COL5A1: variants seen among roughly 807,000 people sequenced by gnomAD.
The protein encoded by COL5A1 is collagen type V alpha 1 chain, also known as collagen alpha-1(V) chain.
COL5A1 carries 16 observed loss-of-function variants against 263.7 expected under a neutral mutation model. The observed-to-expected ratio is 0.06, with a 90% CI of 0.04 to 0.09. COL5A1 has a LOEUF of 0.09. Among genes scored for constraint, COL5A1 ranks in the 10% least tolerant of loss-of-function variants. The pLI is 1.00. For missense variants in COL5A1, 2,036 were observed against 2,540.5 expected, an observed-to-expected ratio of 0.80 and a Z score of 4.27; for synonymous variants, 1,012 against 1,004.5, an observed-to-expected ratio of 1.01 and a Z score of -0.14.
rs1380004347 is a variant in COL5A1, at chr9:134,825,833, T to C, written c.4996T>C (p.Ser1666Pro). ...TCCTAACCAAGGATGCTCCAGGGAT[T>C]CCTTCAAGGTTTACTGCAACTTCAC... ...VDPNQGCSRD[S>P]FKVYCNFTAG... is the part of the protein sequence containing the mutation. The change falls in exon 63 of 66, where the codon TCC becomes CCC. Residue 1666 changes from serine (S) to proline (P), a missense_variant. By Grantham distance (74) the Ser-to-Pro change is moderately conservative. Coordinates refer to ENST00000371817, the MANE Select transcript of COL5A1 (RefSeq NM_000093.5). 1 of 1,613,376 alleles carries C rather than the reference T, an allele frequency of 6.2e-7. No individual in the cohort carries two copies. The highest frequency in any genetic ancestry group is 8.5e-7 in the Non-Finnish European group (1 of 1,179,496).
At position 134,749,596 on chromosome 9, in the gene COL5A1, G is replaced by A. The variant is rs182753367; in HGVS notation, c.1495-946G>A. On this transcript the variant is annotated intron_variant, in intron 11 of 65. Coordinates refer to ENST00000371817, the MANE Select transcript of COL5A1 (RefSeq NM_000093.5). Reference sequence around the variant, plus strand: ...AATCCATCATGGGTTTCCTGGCAGGGAGCGTCTCACTCAGGTGGTGTGAAC... The same window carrying A: ...AATCCATCATGGGTTTCCTGGCAGGAAGCGTCTCACTCAGGTGGTGTGAAC... Among the ~76,000 whole-genome samples, 285 of 152,300 alleles carry A rather than the reference G, an allele frequency of 1.9e-3. 1 individual carries two copies. The highest frequency in any genetic ancestry group is 3.6e-3 in the Non-Finnish European group (245 of 68,036).
At chr9:134,713,759 AG>A (rs1402165308) in intron 4 of COL5A1, among the ~76,000 whole-genome samples, 9 of 152,162 alleles carry the variant, frequency 5.9e-5, no homozygotes, top group African/African-American at 1.7e-4. Context: ...TTAGGGACAG[AG>A]GGCAGGGTGA....
chr9:134,822,906 G>T, intron 59 of COL5A1, 92 bp from the exon 60 acceptor site: 1 of 1,438,150 alleles, frequency 7.0e-7, no homozygotes. Flanking sequence ...GGAGAGGGGC[G>T]AGGGGCGAGA....
intron 4 of COL5A1, among the ~76,000 whole-genome samples, chr9:134,725,472 C>T (rs1410816536): frequency 1.3e-5 from 2 of 152,156 alleles, no homozygotes; most frequent in East Asian, 3.8e-4. Flanking sequence ...TCAAAAGATC[C>T]TCTGCTTTGG....
chr9:134,754,408 A>T lies in COL5A1; in HGVS notation c.1827+82A>T. 4 of 1,510,548 alleles carry T rather than the reference A, an allele frequency of 2.6e-6. No individual in the cohort carries two copies. The allele number at this position is 1,510,548 out of a possible 1,614,324, so 93.6% of individuals were successfully genotyped here. ...CAAATCTGGGGTGCGGGCACCCCCA[A>T]CAGCCAGCTGGGCCACATGAAGCCA... On this transcript the variant is annotated intron_variant, in intron 16 of 65. Coordinates refer to ENST00000371817, the MANE Select transcript of COL5A1 (RefSeq NM_000093.5). This position sits in a 1 kb window ranked among gnomAD's most constrained non-coding sequence, Gnocchi z 4.3.
chr9:134,653,557 C>G (rs1197742342), intron 1 of COL5A1: 1 of 152,620 alleles, frequency 6.6e-6, no homozygotes, highest in Non-Finnish European at 1.5e-5. Flanking sequence ...GCCGTCTGTG[C>G]GTCTCCCAAG....
intron 14 of COL5A1, 108 bp downstream of exon 14, chr9:134,752,753 C>A: frequency 1.1e-6 from 1 of 874,296 alleles, no homozygotes; most frequent in Non-Finnish European, 1.9e-6. Flanking sequence ...GGACACAGAG[C>A]GGCCCTTGGT....
chr9:134,781,010 G>A (rs1837230571), intron 28 of COL5A1, among the ~76,000 whole-genome samples: 1 of 152,262 alleles, frequency 6.6e-6, no homozygotes, highest in Non-Finnish European at 1.5e-5. Flanking sequence ...CCTGGCCACG[G>A]CGGCCTGCGG....
chr9:134,825,287 GC>G (rs780891130), intron 62 of COL5A1, among the ~76,000 whole-genome samples: 6 of 152,198 alleles, frequency 3.9e-5, no homozygotes, highest in Non-Finnish European at 8.8e-5. Flanking sequence ...TGGGCAAACG[GC>G]CTTCAAACTC....
chr9:134,691,664 G>T (rs999127960), intron 2 of COL5A1: 16 of 156,708 alleles, frequency 1.0e-4, no homozygotes, highest in Admixed American at 9.8e-4. Flanking sequence ...GTCGTGGGGC[G>T]GCACCTGCCA....
At chr9:134,730,164 C>G in intron 6 of COL5A1, 72 bp from the exon 7 acceptor site, 1 of 1,594,166 alleles carries the variant, frequency 6.3e-7, no homozygotes, top group Non-Finnish European at 8.5e-7. Flanking sequence ...CCCGGACATG[C>G]GGCAAGTCCC....
intron 1 of COL5A1, among the ~76,000 whole-genome samples, chr9:134,665,871 T>C (rs879643337): frequency 3.3e-5 from 5 of 152,200 alleles, no homozygotes; most frequent in Admixed American, 2.0e-4. Flanking sequence ...GTGGATCACC[T>C]GAGGTCAGGA....
At chr9:134,720,529 A>T (rs1834414478) in intron 4 of COL5A1, among the ~76,000 whole-genome samples, 1 of 152,232 alleles carries the variant, frequency 6.6e-6, no homozygotes, top group African/African-American at 2.4e-5. Context: ...GCGCCAGATT[A>T]TGGCGGTCGG....
rs995474576 is a variant in COL5A1 at position 134,765,567 on chromosome 9, T to C, written c.2035-114T>C. ...CTCACTCCTGGGAGGCCAGGAGGCCTGAGTCACCAGCTGGGGTTCTGGGTG... is the reference window on the plus strand; with the variant it reads ...CTCACTCCTGGGAGGCCAGGAGGCCCGAGTCACCAGCTGGGGTTCTGGGTG... On this transcript the variant is annotated intron_variant, in intron 20 of 65. Transcript: ENST00000371817. This position sits in a 1 kb window ranked among gnomAD's most constrained non-coding sequence, Gnocchi z 5.1. 7.5e-6 allele frequency: 7 copies of C among 930,134 alleles called. No individual in the cohort carries two copies. The highest frequency in any genetic ancestry group is 1.8e-5 in the Admixed American group (1 of 55,544). The allele number at this position is 930,134 out of a possible 1,614,324, so 57.6% of individuals were successfully genotyped here.
chr9:134,757,901 C>T lies in COL5A1; in HGVS notation c.1882-342C>T, dbSNP rs897281608. 3.9e-5 allele frequency among the ~76,000 whole-genome samples: 6 copies of T among 152,144 alleles called. No homozygotes were observed. The highest frequency in any genetic ancestry group is 1.4e-4 in the African/African-American group (6 of 41,432). On this transcript the variant is annotated intron_variant, in intron 17 of 65. Coordinates refer to ENST00000371817, the MANE Select transcript of COL5A1 (RefSeq NM_000093.5). This position sits in a 1 kb window ranked among gnomAD's most constrained non-coding sequence, Gnocchi z 6.2. ...CACCGGGACCCTGCTCTCCTGGAGC[C>T]TCCCTGGGGTGGGGGAGATCAGCAG...
In COL5A1 at chr9:134,825,900, A is replaced by G; in HGVS notation, c.5063A>G (p.Glu1688Gly). 6.2e-7 allele frequency: 1 copy of G among 1,609,424 alleles called. No homozygotes were observed. The highest frequency in any genetic ancestry group is 8.5e-7 in the Non-Finnish European group (1 of 1,176,306). ...TGCGTCTTCCCTGACAAGAAGTCCG[A>G]AGGGGTGAGTAGCTGTGTCCCTCCA... ...STCVFPDKKS[E>G]GARITSWPKE... Residue 1688 changes from glutamate (E) to glycine (G), a missense_variant, in exon 63 of 66, where the codon GAA (glutamate) becomes GGA (glycine). Glu to Gly is a moderately conservative substitution (Grantham distance 98, BLOSUM62 -2). This residue lies in a region of COL5A1 where 358 missense variants were observed against 384.6 expected (regional missense o/e 0.93). Coordinates refer to ENST00000371817, the MANE Select transcript of COL5A1 (RefSeq NM_000093.5).
At chr9:134,833,233 G>A (rs1839716733) in intron 64 of COL5A1, among the ~76,000 whole-genome samples, 1 of 152,256 alleles carries the variant, frequency 6.6e-6, no homozygotes, top group Admixed American at 6.5e-5. Context: ...TCCCCTGGAA[G>A]TGTCAGGTTT....
rs758197769 is a variant in COL5A1 at position 134,731,554 on chromosome 9, C to G, written c.1223C>G (p.Thr408Arg). The change falls in exon 8 of 66, where the codon ACG (threonine) becomes AGG (arginine). Residue 408 changes from threonine to arginine, a missense_variant. Transcript: ENST00000371817. ...DDLEGEFTEE[T>R]IRNLDENYYD... Reference sequence around the variant, plus strand: ...TTGGAGGGGGAGTTCACTGAGGAAACGATCCGGAACCTTGACGAGAACTAC... The same window carrying G: ...TTGGAGGGGGAGTTCACTGAGGAAAGGATCCGGAACCTTGACGAGAACTAC... 1.9e-6 allele frequency: 3 copies of G among 1,614,092 alleles called. No homozygotes were observed. Among genetic ancestry groups the G allele is most frequent in the South Asian group, 1.1e-5 (1 of 91,086 alleles).
intron 2 of COL5A1, among the ~76,000 whole-genome samples, chr9:134,695,050 T>A (rs1833410478): frequency 1.3e-5 from 2 of 152,170 alleles, no homozygotes; most frequent in African/African-American, 4.8e-5. Context: ...GTCACCTGAC[T>A]TGGGGACCAG....
Sources: gnomAD v4.1 joint callset for allele counts (sites outside exome capture counted in the v4.1 genomes callset) on GRCh38, gnomAD v4.1.1 for gene constraint, gnomAD v4.1.1 regional missense constraint, Gnocchi (gnomAD v3.1) non-coding constraint, MANE v1.5 for transcripts, NCBI Gene and HGNC (gene_info 2026-07-23, HGNC 2026-07-21) for gene names.